Variants in ENTREP2 observed in about 807,000 individuals in gnomAD.
The protein encoded by ENTREP2 is protein ENTREP2.
At chr15:29,444,769 G>A in the ENTREP2 span, among the ~76,000 whole-genome samples, 3 of 152,108 alleles carry the variant, frequency 2.0e-5, no homozygotes, top group Non-Finnish European at 4.4e-5. Flanking sequence ...CTGGCCGGCA[G>A]ATTTCATTTT....
the ENTREP2 span, among the ~76,000 whole-genome samples, chr15:29,545,024 C>T: frequency 1.3e-5 from 2 of 152,196 alleles, no homozygotes; most frequent in African/African-American, 4.8e-5. Flanking sequence ...AGACTGCACA[C>T]TACTGTGTGG....
chr15:29,473,812 G>C, the ENTREP2 span, among the ~76,000 whole-genome samples: 3 of 152,164 alleles, frequency 2.0e-5, no homozygotes, highest in African/African-American at 7.2e-5. Context: ...CGCAGCCACG[G>C]CCCCATCTCC....
the ENTREP2 span, among the ~76,000 whole-genome samples, chr15:29,322,882 G>A: frequency 2.2e-4 from 33 of 152,154 alleles, no homozygotes; most frequent in African/African-American, 5.3e-4. Context: ...CCTTTTTCCC[G>A]GATGCATCCT....
the ENTREP2 span, among the ~76,000 whole-genome samples, chr15:29,657,898 G>T: frequency 6.6e-6 from 1 of 151,994 alleles, no homozygotes; most frequent in Non-Finnish European, 1.5e-5. Flanking sequence ...ATATTACTCA[G>T]CAGTAAAAAA....
At chr15:29,221,100 C>G in the ENTREP2 span, among the ~76,000 whole-genome samples, 2 of 152,014 alleles carry the variant, frequency 1.3e-5, no homozygotes, top group African/African-American at 4.8e-5. Flanking sequence ...GTGAGAGCAC[C>G]AAGCCAGAAT....
At chr15:29,370,574 G>A in the ENTREP2 span, among the ~76,000 whole-genome samples, 10 of 151,954 alleles carry the variant, frequency 6.6e-5, no homozygotes, top group Admixed American at 3.9e-4. Context: ...GACTGCAACC[G>A]AGATCAAGTG....
the ENTREP2 span, among the ~76,000 whole-genome samples, chr15:29,652,292 G>A: frequency 7.9e-5 from 12 of 152,098 alleles, no homozygotes; most frequent in African/African-American, 2.9e-4. Context: ...CTGAACACTC[G>A]TCAGGACACC....
At chr15:29,259,225 C>T in the ENTREP2 span, among the ~76,000 whole-genome samples, 1 of 152,196 alleles carries the variant, frequency 6.6e-6, no homozygotes, top group Non-Finnish European at 1.5e-5. Context: ...AAATGGATGG[C>T]TACAGCTCTC....
At chr15:29,634,591 A>G in the ENTREP2 span, among the ~76,000 whole-genome samples, 2 of 152,198 alleles carry the variant, frequency 1.3e-5, no homozygotes, top group African/African-American at 2.4e-5. Flanking sequence ...GTATCCCCCA[A>G]TTCAGTTCCA....
At chr15:29,552,788 CTGTT>C in the ENTREP2 span, among the ~76,000 whole-genome samples, 7 of 152,120 alleles carry the variant, frequency 4.6e-5, no homozygotes, top group Non-Finnish European at 8.8e-5. Context: ...AGCAAGTTGA[CTGTT>C]TGCAGAATTT....
chr15:29,663,002 C>T, the ENTREP2 span, among the ~76,000 whole-genome samples: 5 of 151,942 alleles, frequency 3.3e-5, no homozygotes, highest in Admixed American at 6.6e-5. Flanking sequence ...TGTGAGCCAC[C>T]GCGCCTGGCC....
At chr15:29,133,320 T>C in the ENTREP2 span, among the ~76,000 whole-genome samples, 1 of 152,210 alleles carries the variant, frequency 6.6e-6, no homozygotes, top group South Asian at 2.1e-4. Context: ...GCAGCAGGGC[T>C]GAGGCTTTTA....
At chr15:29,482,740 A>C in the ENTREP2 span, among the ~76,000 whole-genome samples, 5,197 of 152,304 alleles carry the variant, frequency 0.034, 101 homozygotes, top group Middle Eastern at 0.088. Flanking sequence ...CAATTTACCT[A>C]CAGAAGGACA....
chr15:29,635,300 G>A, the ENTREP2 span, among the ~76,000 whole-genome samples: 1 of 152,306 alleles, frequency 6.6e-6, no homozygotes, highest in East Asian at 1.9e-4. Context: ...GGTGCTGCCA[G>A]CCAGCAGTCA....
the ENTREP2 span, among the ~76,000 whole-genome samples, chr15:29,219,483 G>A: frequency 6.6e-6 from 1 of 151,072 alleles, no homozygotes; most frequent in African/African-American, 2.5e-5. Context: ...CTATGCAGAG[G>A]AAAAGAAGTG....
At chr15:29,357,127 C>A in the ENTREP2 span, among the ~76,000 whole-genome samples, 206 of 151,916 alleles carry the variant, frequency 1.4e-3, no homozygotes, top group Non-Finnish European at 2.3e-3. Context: ...CAATTGGTCA[C>A]GCATAAAAGA....
the ENTREP2 span, among the ~76,000 whole-genome samples, chr15:29,162,710 G>A: frequency 6.8e-5 from 10 of 146,800 alleles, no homozygotes; most frequent in Non-Finnish European, 1.0e-4. Context: ...CCACCTGATC[G>A]TCCTTCCCTA....
At chr15:29,166,240 C>T in the ENTREP2 span, among the ~76,000 whole-genome samples, 2 of 152,218 alleles carry the variant, frequency 1.3e-5, no homozygotes, top group East Asian at 1.9e-4. Context: ...AAACTGAAAG[C>T]GTTCCCTCTG....
At chr15:29,428,272 G>A in the ENTREP2 span, among the ~76,000 whole-genome samples, 2 of 152,306 alleles carry the variant, frequency 1.3e-5, no homozygotes, top group East Asian at 3.9e-4. Context: ...GCAGTGAAGT[G>A]GTTCGATCTT....
Sources: allele counts gnomAD v4.1 joint callset (sites outside exome capture counted in the v4.1 genomes callset), GRCh38; gene constraint gnomAD v4.1.1; transcripts MANE v1.5; gene names NCBI Gene and HGNC (gene_info 2026-07-23, HGNC 2026-07-21).